The following TRHDE variants were observed in gnomAD, a reference collection of about 807,000 sequenced individuals.
TRHDE encodes thyrotropin releasing hormone degrading enzyme.
In TRHDE, 72 loss-of-function variants were observed where a neutral mutation model predicts 125.7. The ratio of observed to expected loss-of-function variants is 0.57; its 90% CI spans 0.47 to 0.70. The LOEUF is 0.70. Ranked by LOEUF, TRHDE falls within the 30% of genes least tolerant of loss-of-function variation. The probability of loss-of-function intolerance (pLI) is 0.00; values close to 1 mark genes in which losing one functional copy is unlikely to be tolerated. For missense variants in TRHDE, 1,110 were observed against 1,327.1 expected (o/e 0.84, Z 2.54); for synonymous variants, 509 against 509.1 (o/e 1.00, Z 0.00).
At chr12:72,314,109 G>T (rs1414557491) in intron 2 of TRHDE, among the ~76,000 whole-genome samples, 2 of 152,124 alleles carry the variant, frequency 1.3e-5, no homozygotes, top group Non-Finnish European at 2.9e-5. Context: ...ACTGTGACAG[G>T]CTAAACTCTT....
chr12:72,358,273 G>A (rs1050293470), intron 2 of TRHDE, among the ~76,000 whole-genome samples: 6 of 151,516 alleles, frequency 4.0e-5, no homozygotes, highest in African/African-American at 1.4e-4. Flanking sequence ...CCAACCCTGG[G>A]ACAGCAAGAG....
At chr12:72,658,138 T>G (rs982059852) in intron 18 of TRHDE, among the ~76,000 whole-genome samples, 8 of 152,188 alleles carry the variant, frequency 5.3e-5, no homozygotes, top group Non-Finnish European at 1.0e-4. Context: ...CCCTGCTATG[T>G]GTGTTCCCAA....
chr12:72,152,124 T>G (rs1040599212), intron 2 of TRHDE, among the ~76,000 whole-genome samples: 5 of 151,478 alleles, frequency 3.3e-5, no homozygotes, highest in African/African-American at 1.2e-4. Flanking sequence ...CCCTTGTAAG[T>G]TGGATTCCTA....
chr12:72,256,583 A>G (rs536882301), intron 2 of TRHDE: 1 of 152,206 alleles, frequency 6.6e-6, no homozygotes, highest in African/African-American at 2.4e-5. Context: ...CACTATGCCA[A>G]GAACAGTGCC....
chr12:72,238,653 C>G (rs1168890178), intron 2 of TRHDE, among the ~76,000 whole-genome samples: 2 of 151,646 alleles, frequency 1.3e-5, no homozygotes, highest in East Asian at 3.9e-4. Flanking sequence ...GTTTGGTTTT[C>G]TGTTTTTGTG....
rs117743658 is a variant in TRHDE, at chr12:72,278,936, A to C, written c.914+5379A>C. On this transcript the variant is annotated intron_variant, in intron 1 of 18. Coordinates refer to ENST00000261180, the MANE Select transcript of TRHDE (RefSeq NM_013381.3). ...TTTATTGTCTTTGCTGTGCAGAAAC[A>C]TTTTAGTTTGATGCAATCCCGTTTG... Among the ~76,000 whole-genome samples the C allele has an allele frequency of 8.9e-4, 136 of 152,304 alleles. 6 individuals carry two copies. The East Asian group carries it at 0.023, about 26-fold the overall frequency.
At chr12:72,173,070 A>G (rs1020405616) in intron 2 of TRHDE, among the ~76,000 whole-genome samples, 2 of 152,214 alleles carry the variant, frequency 1.3e-5, no homozygotes, top group Non-Finnish European at 2.9e-5. Flanking sequence ...GCTACTGACT[A>G]GTGAGCTATA....
intron 2 of TRHDE, among the ~76,000 whole-genome samples, chr12:72,164,865 C>A (rs1278619105): frequency 6.6e-6 from 1 of 152,170 alleles, no homozygotes; most frequent in Admixed American, 6.5e-5. Context: ...AGACTAGGAA[C>A]AAATCTCTGG....
At chr12:72,185,368 G>C (rs1877183965) in intron 2 of TRHDE, among the ~76,000 whole-genome samples, 1 of 152,298 alleles carries the variant, frequency 6.6e-6, no homozygotes, top group South Asian at 2.1e-4. Flanking sequence ...CCTCCCCGAC[G>C]AGCACCACCC....
intron 10 of TRHDE, 111 bp downstream of exon 10, chr12:72,568,767 G>T (rs11179252): frequency 0.064 from 38,693 of 600,236 alleles, 1,564 homozygotes; most frequent in Middle Eastern, 0.1. Context: ...ATTAGAAAGA[G>T]AATATAAAGG....
intron 2 of TRHDE, among the ~76,000 whole-genome samples, chr12:72,247,273 C>T (rs892246479): frequency 2.0e-5 from 3 of 152,014 alleles, no homozygotes; most frequent in African/African-American, 7.3e-5. Context: ...ACAGATGTAA[C>T]TATTAATTAA....
At chr12:72,280,003 T>C (rs1879635968) in intron 1 of TRHDE, among the ~76,000 whole-genome samples, 1 of 152,230 alleles carries the variant, frequency 6.6e-6, no homozygotes, top group Non-Finnish European at 1.5e-5. Context: ...AAATAGATTA[T>C]TTTTAAAAAT....
intron 1 of TRHDE, among the ~76,000 whole-genome samples, chr12:72,275,985 A>G (rs1879474031): frequency 6.6e-6 from 1 of 151,978 alleles, no homozygotes; most frequent in South Asian, 2.1e-4. Flanking sequence ...CTTCCTCATT[A>G]TTATTATTAG....
intron 7 of TRHDE, among the ~76,000 whole-genome samples, chr12:72,543,628 C>T (rs1210769186): frequency 6.6e-6 from 1 of 151,362 alleles, no homozygotes; most frequent in Non-Finnish European, 1.5e-5. Context: ...AAATATCTAA[C>T]TGTTCATAAG....
chr12:72,209,908 ATTATC>A (rs1313625702), intron 2 of TRHDE, among the ~76,000 whole-genome samples: 1 of 152,140 alleles, frequency 6.6e-6, no homozygotes, highest in Non-Finnish European at 1.5e-5. Flanking sequence ...TTGAATGTTT[ATTATC>A]ATTGAATTGT....
chr12:72,657,262 T>C (rs188372370), intron 18 of TRHDE, among the ~76,000 whole-genome samples: 1 of 152,266 alleles, frequency 6.6e-6, no homozygotes, highest in Non-Finnish European at 1.5e-5. Flanking sequence ...ACAATCCACT[T>C]CAGAGATCAT....
At chr12:72,632,985 G>A (rs1025130985) in intron 15 of TRHDE, among the ~76,000 whole-genome samples, 1 of 151,890 alleles carries the variant, frequency 6.6e-6, no homozygotes, top group African/African-American at 2.4e-5. Flanking sequence ...ATTTTATAAA[G>A]TGATCTTATA....
intron 12 of TRHDE, among the ~76,000 whole-genome samples, chr12:72,592,998 C>G (rs1012524392): frequency 1.3e-5 from 2 of 152,186 alleles, no homozygotes; most frequent in Admixed American, 1.3e-4. Context: ...CAGGCGTGAG[C>G]CACCGCGCCC....
rs778190880 is a variant in TRHDE at position 72,120,059 on chromosome 12, C to CT, written n.279+14319dup. On this transcript the variant is annotated intron_variant and non_coding_transcript_variant, in intron 2 of 4. Transcript: ENST00000548156. ...TGATAAAGTAAGGACTTTCTCTTCT[C>CT]TTTTTTTTTTTTGAGACGGAGTCTT... is the stretch of plus-strand genomic sequence containing the variant. Among the ~76,000 whole-genome samples the CT allele has an allele frequency of 5.8e-3, 840 of 144,910 alleles. 2 individuals carry two copies. The highest frequency in any genetic ancestry group is 0.017 in the African/African-American group (697 of 39,888).
Sources: gnomAD v4.1 joint callset for allele counts (sites outside exome capture counted in the v4.1 genomes callset) on GRCh38, gnomAD v4.1.1 for gene constraint, MANE v1.5 for transcripts, NCBI Gene and HGNC (gene_info 2026-07-23, HGNC 2026-07-21) for gene names.